The following SYT9 variants were observed in gnomAD, a reference collection of about 807,000 sequenced individuals.
SYT9 encodes the protein synaptotagmin 9.
Under a neutral mutation model 48.4 loss-of-function variants are expected in SYT9, and 22 were observed. The ratio of observed to expected loss-of-function variants is 0.45; its 90% CI spans 0.32 to 0.65. The LOEUF is 0.65. Ranked by LOEUF, SYT9 falls within the 30% of genes least tolerant of loss-of-function variation. The probability of loss-of-function intolerance (pLI) is 0.03; values close to 1 mark genes in which losing one functional copy is unlikely to be tolerated. For synonymous variants in SYT9, 265 were observed against 245.0 expected, an observed-to-expected ratio of 1.08 and a Z score of -0.76; for missense variants, 577 against 622.0, an observed-to-expected ratio of 0.93 and a Z score of 0.77.
intron 6 of SYT9, among the ~76,000 whole-genome samples, chr11:7,450,772 T>C (rs1848032618): frequency 6.6e-6 from 1 of 152,184 alleles, no homozygotes; most frequent in Non-Finnish European, 1.5e-5. Context: ...TTCCTTCTCT[T>C]GCCCTCTCCC....
chr11:7,372,100 T>A (rs1285454882), intron 3 of SYT9, among the ~76,000 whole-genome samples: 1 of 152,126 alleles, frequency 6.6e-6, no homozygotes, highest in Non-Finnish European at 1.5e-5. Context: ...AAAGTGGTTG[T>A]TATTATATTA....
chr11:7,244,200 C>G (rs1847769718), intron 1 of SYT9, among the ~76,000 whole-genome samples: 1 of 152,280 alleles, frequency 6.6e-6, no homozygotes, highest in East Asian at 1.9e-4. Flanking sequence ...CAACAAATCT[C>G]TATTTTCTTT....
intron 3 of SYT9, among the ~76,000 whole-genome samples, chr11:7,357,661 T>G (rs956117678): frequency 1.3e-5 from 2 of 152,128 alleles, no homozygotes; most frequent in Admixed American, 1.3e-4. Flanking sequence ...TTGTTGAACC[T>G]GCTACCATGA....
intron 3 of SYT9, among the ~76,000 whole-genome samples, chr11:7,408,305 T>C (rs1234022876): frequency 6.6e-6 from 1 of 152,148 alleles, no homozygotes; most frequent in Non-Finnish European, 1.5e-5. Flanking sequence ...ATTTTGTATT[T>C]TTAGTAGAGA....
At chr11:7,375,577 C>A (rs1268965198) in intron 3 of SYT9, among the ~76,000 whole-genome samples, 1 of 151,324 alleles carries the variant, frequency 6.6e-6, no homozygotes, top group African/African-American at 2.5e-5. Flanking sequence ...TTGTTTGTGT[C>A]CTCTCTTATT....
At chr11:7,282,973 TGA>T (rs893082681) in intron 1 of SYT9, among the ~76,000 whole-genome samples, 13 of 138,082 alleles carry the variant, frequency 9.4e-5, no homozygotes, top group Admixed American at 1.4e-4. Context: ...AAACAGAGAT[TGA>T]GAGAGAGAGA....
At chr11:7,451,047 G>A (rs886438613) in intron 6 of SYT9, among the ~76,000 whole-genome samples, 1 of 152,184 alleles carries the variant, frequency 6.6e-6, no homozygotes, top group Non-Finnish European at 1.5e-5. Flanking sequence ...TGCTGGCACC[G>A]ATTCATCATC....
intron 3 of SYT9, among the ~76,000 whole-genome samples, chr11:7,374,201 T>C (rs1485418812): frequency 6.6e-6 from 1 of 152,178 alleles, no homozygotes; most frequent in Non-Finnish European, 1.5e-5. Context: ...GTTAGTTTGC[T>C]GAGAATGATG....
chr11:7,369,794 A>ACAAACACAC (rs1564879645), intron 3 of SYT9, among the ~76,000 whole-genome samples: 73 of 143,984 alleles, frequency 5.1e-4, no homozygotes, highest in African/African-American at 1.7e-3. Flanking sequence ...CACACACACA[A>ACAAACACAC]ACACACACAC....
chr11:7,361,293 T>G (rs1208297247), intron 3 of SYT9, among the ~76,000 whole-genome samples: 2 of 152,200 alleles, frequency 1.3e-5, no homozygotes, highest in Non-Finnish European at 2.9e-5. Context: ...TAATAATCAC[T>G]GTTTTAACTG....
At chr11:7,332,464 G>A (rs1167403827) in intron 3 of SYT9, among the ~76,000 whole-genome samples, 1 of 152,232 alleles carries the variant, frequency 6.6e-6, no homozygotes, top group Non-Finnish European at 1.5e-5. Context: ...GGGAACAATA[G>A]GGTCTATTGC....
intron 3 of SYT9, among the ~76,000 whole-genome samples, chr11:7,333,808 T>C (rs368718422): frequency 6.6e-6 from 1 of 152,208 alleles, no homozygotes; most frequent in East Asian, 1.9e-4. Context: ...TTTTGAATAC[T>C]CACTGTCTGC....
intron 6 of SYT9, among the ~76,000 whole-genome samples, chr11:7,422,892 T>C (rs1464203018): frequency 2.0e-5 from 3 of 152,208 alleles, no homozygotes; most frequent in East Asian, 1.9e-4. Flanking sequence ...AAGTGTGATA[T>C]AAATTCATTC....
At chr11:7,399,489 A>T (rs1411356129) in intron 3 of SYT9, among the ~76,000 whole-genome samples, 1 of 152,238 alleles carries the variant, frequency 6.6e-6, no homozygotes, top group Non-Finnish European at 1.5e-5. Context: ...TACTTGCAGA[A>T]ACTTAAGAAA....
chr11:7,370,855 A>G (rs185879820), intron 3 of SYT9, among the ~76,000 whole-genome samples: 112 of 152,314 alleles, frequency 7.4e-4, no homozygotes, highest in Non-Finnish European at 1.1e-3. Context: ...TTGGGAATGT[A>G]TTGTTAAAAA....
Position 7,468,149 on chromosome 11 carries a change from C to T in SYT9, c.*1349C>T, listed in dbSNP as rs543821003. The T allele has an allele frequency of 1.5e-5, 6 of 397,762 alleles. No homozygotes were observed. In the South Asian group the frequency reaches 7.9e-4, roughly 52 times the overall value. The allele number at this position is 397,762 out of a possible 1,614,324, so 24.6% of individuals were successfully genotyped here. On this transcript the variant is annotated 3_prime_UTR_variant, in exon 7 of 7. Transcript: ENST00000318881. ...GATAGTATTTTTCTTTTCACACAAT[C>T]TCTTTACAGCAGAATCCAGAGTTGG...
chr11:7,258,229 G>A (rs1466182037), intron 1 of SYT9, among the ~76,000 whole-genome samples: 1 of 152,166 alleles, frequency 6.6e-6, no homozygotes, highest in Non-Finnish European at 1.5e-5. Flanking sequence ...TAGAGAAAGT[G>A]GAGGAGCTTA....
chr11:7,296,203 T>G (rs1309168354), intron 1 of SYT9, among the ~76,000 whole-genome samples: 5 of 152,216 alleles, frequency 3.3e-5, no homozygotes, highest in African/African-American at 9.7e-5. Flanking sequence ...AATGTTACTT[T>G]GACAAGACAA....
At position 7,242,226 on chromosome 11, in the gene SYT9, T is replaced by C. The variant is rs141704815; in HGVS notation, c.49+3310T>C. 5.0e-3 allele frequency among the ~76,000 whole-genome samples: 757 copies of C among 152,268 alleles called. 7 individuals are homozygous for C. The highest frequency in any genetic ancestry group is 0.017 in the African/African-American group (689 of 41,548). ...GTAGAAAACAAAATGAAGGCATAGA[T>C]CTGACTGCAGAGTTGGTGAAGGCAT... On this transcript the variant is annotated intron_variant and NMD_transcript_variant, in intron 1 of 8. Coordinates refer to the SYT9 transcript ENST00000524820.
Sources: gnomAD v4.1 joint callset for allele counts (sites outside exome capture counted in the v4.1 genomes callset) on GRCh38, gnomAD v4.1.1 for gene constraint, MANE v1.5 for transcripts, NCBI Gene and HGNC (gene_info 2026-07-23, HGNC 2026-07-21) for gene names.